BIN2: variants seen among roughly 807,000 people sequenced by gnomAD.
BIN2 encodes breast cancer associated protein BRAP1.
Under a neutral mutation model 67.9 loss-of-function variants are expected in BIN2, and 43 were observed. That is an observed-to-expected ratio of 0.63 (90% CI 0.50 to 0.82). The LOEUF (loss-of-function observed/expected upper bound fraction) is 0.82, where lower values mean the gene tolerates loss of function less well. Among genes scored for constraint, BIN2 ranks in the 40% least tolerant of loss-of-function variants. The pLI is 0.00. For synonymous variants in BIN2, 244 were observed against 246.8 expected, an observed-to-expected ratio of 0.99 and a Z score of 0.11; for missense variants, 581 against 671.6, an observed-to-expected ratio of 0.87 and a Z score of 1.49.
At position 51,292,344 on chromosome 12, in the gene BIN2, G is replaced by C; in HGVS notation, c.762C>G (p.Ser254Arg). The C allele has an allele frequency of 6.4e-7, 1 of 1,561,364 alleles. No homozygotes were observed. Among genetic ancestry groups the C allele is most frequent in the South Asian group, 1.2e-5 (1 of 86,928 alleles). The change falls in exon 10 of 13, where the codon AGC becomes AGG. Residue 254 changes from serine to arginine, a missense_variant and splice_region_variant. Physicochemically the swap from Ser to Arg is moderately radical, Grantham distance 110 (BLOSUM62 -1). Transcript: ENST00000615107. Reference protein sequence around the residue: ...NKVFVVKGLSSSSRRSLVISP... With the variant: ...NKVFVVKGLSRSSRRSLVISP... ...AAATGACTAAAGAGCGCCTGCTGCT[G>C]CTAAAAAAGGAAGGTGTTCAGATTC...
At chr12:51,311,012 G>C (rs1423394875) in intron 2 of BIN2, among the ~76,000 whole-genome samples, 1 of 151,866 alleles carries the variant, frequency 6.6e-6, no homozygotes, top group Non-Finnish European at 1.5e-5. Context: ...GGCTGCCAAA[G>C]TGCTGGGATT....
chr12:51,305,994 G>A (rs546883500), intron 2 of BIN2, among the ~76,000 whole-genome samples: 1 of 151,646 alleles, frequency 6.6e-6, no homozygotes, highest in African/African-American at 2.4e-5. Flanking sequence ...GTGCCACCAC[G>A]CCTGGCTAAT....
rs1281086505 is a variant in BIN2 at position 51,295,578 on chromosome 12, ATATATATATATATATAT to A, written c.761+201_761+217del. 9.6e-4 allele frequency among the ~76,000 whole-genome samples: 57 copies of A among 59,530 alleles called. 11 individuals carry two copies. The East Asian group carries it at 0.013, about 13-fold the overall frequency. 39.1% of individuals were successfully genotyped at this position (59,530 alleles called of 152,430 possible). A position where few individuals can be genotyped will look rare whatever the true frequency, so the allele number is the denominator to read the frequency against. On this transcript the variant is annotated intron_variant, in intron 9 of 12. Coordinates refer to ENST00000615107, the MANE Select transcript of BIN2 (RefSeq NM_016293.4). ...ACTCCGTCTCAAAAAAAAAAAAAAAATATATATATATATATATATATATATATATATATATATATATA... is the reference window on the plus strand; with the variant it reads ...ACTCCGTCTCAAAAAAAAAAAAAAAAATATATATATATATATATATATATA...
At chr12:51,324,247 G>A (rs936090714), upstream of BIN2, 19 of 1,437,300 alleles carry the variant, frequency 1.3e-5, no homozygotes, top group East Asian at 4.7e-4. Context: ...CAGCCCTGAG[G>A]CCCGCCCCTC....
chr12:51,292,722 T>C (rs999487183), intron 9 of BIN2, among the ~76,000 whole-genome samples: 3 of 152,218 alleles, frequency 2.0e-5, no homozygotes, highest in Non-Finnish European at 2.9e-5. Flanking sequence ...CCAGTCACTA[T>C]TGGAGATGCC....
intron 2 of BIN2, 72 bp downstream of exon 2, chr12:51,313,751 T>G: frequency 7.4e-7 from 1 of 1,354,378 alleles, no homozygotes; most frequent in Non-Finnish European, 1.1e-6. Context: ...GCAGAACTTA[T>G]TGTTCTTCTG....
intron 12 of BIN2, among the ~76,000 whole-genome samples, chr12:51,284,332 C>T (rs1277778948): frequency 6.6e-6 from 1 of 152,110 alleles, no homozygotes; most frequent in Non-Finnish European, 1.5e-5. Flanking sequence ...TACCATACAG[C>T]CACACATAAT....
At chr12:51,324,508 C>A, upstream of BIN2, 1 of 1,531,170 alleles carries the variant, frequency 6.5e-7, no homozygotes, top group Non-Finnish European at 8.7e-7. Context: ...AGCGAGAGGA[C>A]CTACCATATC....
At chr12:51,281,700 C>A (rs183785052) in intron 12 of BIN2, among the ~76,000 whole-genome samples, 172 bp from the exon 13 acceptor site, 7 of 152,228 alleles carry the variant, frequency 4.6e-5, no homozygotes, top group African/African-American at 7.2e-5. Flanking sequence ...GGACTTGTTG[C>A]AGATATTGTT....
At position 51,299,670 on chromosome 12, in the gene BIN2, A is replaced by G; in HGVS notation, c.453T>C (p.Ser151=). Residue 151 remains serine, a synonymous_variant, in exon 6 of 13, where the codon AGT becomes AGC. Coordinates refer to ENST00000615107, the MANE Select transcript of BIN2 (RefSeq NM_016293.4). The stretch of plus-strand genomic sequence containing the variant: ...GCACTGCCTCCAGGTGGTGTCGGGC[A>G]CTGTCATAGTCCACGAGTTTCCGAC... ...KRGRKLVDYD[S]ARHHLEAVQN... 6.2e-7 allele frequency: 1 copy of G among 1,614,046 alleles called. No individual in the cohort carries two copies.
At chr12:51,303,450 A>C (rs1407710559) in intron 2 of BIN2, among the ~76,000 whole-genome samples, 2 of 152,156 alleles carry the variant, frequency 1.3e-5, no homozygotes, top group Non-Finnish European at 2.9e-5. Context: ...CTATCTATGC[A>C]ATTCTCTGGC....
chr12:51,312,381 G>C (rs1400840054), intron 2 of BIN2, among the ~76,000 whole-genome samples: 1 of 152,208 alleles, frequency 6.6e-6, no homozygotes, highest in Non-Finnish European at 1.5e-5. Context: ...AAAGAATCAT[G>C]TAATCCTTCT....
chr12:51,297,287 C>T (rs190904428), intron 7 of BIN2, 123 bp from the exon 8 acceptor site: 57 of 917,934 alleles, frequency 6.2e-5, no homozygotes, highest in African/African-American at 4.3e-4. Context: ...AAAGCCATCC[C>T]GCTGGGCACA....
At chr12:51,298,392 C>CA (rs1945627344) in intron 7 of BIN2, among the ~76,000 whole-genome samples, 1 of 151,384 alleles carries the variant, frequency 6.6e-6, no homozygotes, top group African/African-American at 2.4e-5. Flanking sequence ...AACAAACAAA[C>CA]AAAAACAAAA....
chr12:51,323,699 G>A, intron 1 of BIN2, among the ~76,000 whole-genome samples: 1 of 152,180 alleles, frequency 6.6e-6, no homozygotes, highest in East Asian at 1.9e-4. Context: ...ATACAAAGGT[G>A]GCCACCACCA....
intron 1 of BIN2, among the ~76,000 whole-genome samples, chr12:51,320,523 A>G (rs1249569180): frequency 6.6e-6 from 1 of 151,744 alleles, no homozygotes; most frequent in Non-Finnish European, 1.5e-5. Context: ...AATCTCCCAT[A>G]ATTCCTATTT....
Position 51,295,892 on chromosome 12 carries a change from G to A in BIN2, c.679-14C>T, listed in dbSNP as rs757368013. On this transcript the variant is annotated splice_polypyrimidine_tract_variant and intron_variant, in intron 8 of 12. Transcript: ENST00000615107. ...ATTGTGGTTCAGCTAGAGCCAATAAGAAAGAAGGGGATGCTAGCCAACTGG... is the reference window on the plus strand; with the variant it reads ...ATTGTGGTTCAGCTAGAGCCAATAAAAAAGAAGGGGATGCTAGCCAACTGG... 45 of 1,609,298 alleles carry A rather than the reference G, an allele frequency of 2.8e-5. No homozygotes were observed. The East Asian group carries it at 4.9e-4, about 18-fold the overall frequency.
intron 2 of BIN2, among the ~76,000 whole-genome samples, chr12:51,308,722 G>A (rs945686285): frequency 3.3e-5 from 5 of 152,148 alleles, no homozygotes; most frequent in Non-Finnish European, 5.9e-5. Flanking sequence ...AAAATAACAG[G>A]TTAAAGTGTT....
chr12:51,305,582 C>G (rs1343509507), intron 2 of BIN2, among the ~76,000 whole-genome samples: 1 of 150,528 alleles, frequency 6.6e-6, no homozygotes, highest in African/African-American at 2.4e-5. Context: ...CGAGATCGCA[C>G]CACTGTACTC....
Sources: allele counts gnomAD v4.1 joint callset (sites outside exome capture counted in the v4.1 genomes callset), GRCh38; gene constraint gnomAD v4.1.1; transcripts MANE v1.5; gene names NCBI Gene and HGNC (gene_info 2026-07-23, HGNC 2026-07-21).